Variants in CCDC149 observed in about 807,000 individuals in gnomAD.
The protein encoded by CCDC149 is coiled-coil domain-containing protein 149.
A neutral mutation model predicts 59.9 loss-of-function variants in CCDC149; 45 were observed. That is an observed-to-expected ratio of 0.75 (90% CI 0.59 to 0.96). The LOEUF (loss-of-function observed/expected upper bound fraction) is 0.96. Among genes scored for constraint, CCDC149 ranks in the 40% least tolerant of loss-of-function variants. The pLI is 0.00. For synonymous variants in CCDC149, 245 were observed against 260.6 expected, an observed-to-expected ratio of 0.94 and a Z score of 0.58; for missense variants, 584 against 664.7, an observed-to-expected ratio of 0.88 and a Z score of 1.33.
At chr4:24,911,776 C>A (rs1721885061) in intron 1 of CCDC149, among the ~76,000 whole-genome samples, 1 of 152,190 alleles carries the variant, frequency 6.6e-6, no homozygotes, top group Admixed American at 6.5e-5. Context: ...TATTATCAGA[C>A]TGACCTGGAG....
chr4:24,822,662 G>T, intron 9 of CCDC149, 89 bp from the exon 10 acceptor site: 1 of 856,364 alleles, frequency 1.2e-6, no homozygotes, highest in Non-Finnish European at 1.8e-6. Flanking sequence ...TAGTAGAAAA[G>T]TGTTGAGATT....
chr4:24,910,552 G>A (rs1165045162), intron 1 of CCDC149, among the ~76,000 whole-genome samples: 1 of 152,138 alleles, frequency 6.6e-6, no homozygotes, highest in Non-Finnish European at 1.5e-5. Flanking sequence ...TGATGCAGGT[G>A]ATCTGTAGGC....
At chr4:24,830,472 A>T (rs1189061784) in intron 9 of CCDC149, 2 of 152,236 alleles carry the variant, frequency 1.3e-5, no homozygotes, top group African/African-American at 2.4e-5. Context: ...TTTCTTCCAC[A>T]TACATCTTCA....
chr4:24,949,108 G>T (rs1039688015), intron 1 of CCDC149, among the ~76,000 whole-genome samples: 3 of 152,172 alleles, frequency 2.0e-5, no homozygotes, highest in African/African-American at 7.2e-5. Context: ...TCAGACAAGG[G>T]TAGCAACGGC....
chr4:24,853,291 G>C, intron 3 of CCDC149, 112 bp from the exon 4 acceptor site: 1 of 762,600 alleles, frequency 1.3e-6, no homozygotes, highest in East Asian at 2.5e-5. Context: ...ACCACACAAA[G>C]CCCGTTATAG....
intron 1 of CCDC149, among the ~76,000 whole-genome samples, chr4:24,956,460 TCGGG>T (rs1723469073): frequency 1.3e-5 from 2 of 152,176 alleles, no homozygotes; most frequent in Admixed American, 1.3e-4. Flanking sequence ...CTAGGTAATT[TCGGG>T]CTATTAATAT....
At chr4:24,955,155 C>G (rs1723431852) in intron 1 of CCDC149, among the ~76,000 whole-genome samples, 1 of 152,106 alleles carries the variant, frequency 6.6e-6, no homozygotes, top group Non-Finnish European at 1.5e-5. Context: ...TCCCTTGGTT[C>G]TGGAGACTGG....
At chr4:24,868,963 G>A (rs1452443748) in intron 3 of CCDC149, among the ~76,000 whole-genome samples, 2 of 152,152 alleles carry the variant, frequency 1.3e-5, no homozygotes, top group South Asian at 2.1e-4. Flanking sequence ...AGTATCTACC[G>A]CACACGGCTA....
intron 1 of CCDC149, among the ~76,000 whole-genome samples, chr4:24,926,087 T>C (rs1414759796): frequency 6.6e-6 from 1 of 152,058 alleles, no homozygotes; most frequent in African/African-American, 2.4e-5. Context: ...TCCCAGCTAC[T>C]CGGGAGGCTG....
intron 1 of CCDC149, among the ~76,000 whole-genome samples, chr4:24,966,751 C>G (rs182465896): frequency 4.1e-4 from 62 of 152,344 alleles, no homozygotes; most frequent in African/African-American, 1.4e-3. Flanking sequence ...TGCTGCATGA[C>G]CTGGTCCTGC....
At chr4:24,822,818 G>C (rs548574254) in intron 9 of CCDC149, 1 of 319,536 alleles carries the variant, frequency 3.1e-6, no homozygotes, top group Non-Finnish European at 5.7e-6. Context: ...TCTCCCAAAA[G>C]GTAGTTTTCC....
chr4:24,851,708 A>G (rs927600441), intron 4 of CCDC149, among the ~76,000 whole-genome samples: 3 of 152,166 alleles, frequency 2.0e-5, no homozygotes, highest in South Asian at 4.1e-4. Flanking sequence ...CTTAAAGAAA[A>G]CTATTGCATA....
Position 24,876,658 on chromosome 4 carries a change from C to G in CCDC149, c.103G>C (p.Ala35Pro). 1 of 1,613,912 alleles carries G rather than the reference C, an allele frequency of 6.2e-7. No homozygotes were observed. The highest frequency in any genetic ancestry group is 8.5e-7 in the Non-Finnish European group (1 of 1,179,936). ...AGCTCCTTGGAGAGGATCAGCAGGG[C>G]TTCCTTCTTACTCTCCAGCTTCCTC... The change falls in exon 2 of 13, where the codon GCC (alanine) becomes CCC (proline). Residue 35 changes from alanine (A) to proline (P), a missense_variant. By Grantham distance (27) the Ala-to-Pro change is conservative. Transcript: ENST00000635206.
At chr4:24,909,216 G>T (rs995850403) in intron 1 of CCDC149, among the ~76,000 whole-genome samples, 2 of 152,108 alleles carry the variant, frequency 1.3e-5, no homozygotes, top group Admixed American at 1.3e-4. Context: ...GAGAGGACGG[G>T]GCTCTGGGCA....
chr4:24,916,519 G>A (rs188691534), upstream of CCDC149, among the ~76,000 whole-genome samples: 42 of 152,238 alleles, frequency 2.8e-4, no homozygotes, highest in East Asian at 6.4e-3. Context: ...CCCCAGACAC[G>A]CGGGAAAGCC....
intron 4 of CCDC149, among the ~76,000 whole-genome samples, chr4:24,850,491 CA>C (rs1262501117): frequency 2.6e-5 from 4 of 152,220 alleles, no homozygotes; most frequent in South Asian, 4.2e-4. Flanking sequence ...CCAGATTGAG[CA>C]AACAGCAGGC....
intron 8 of CCDC149, among the ~76,000 whole-genome samples, chr4:24,832,966 T>C (rs1344737471): frequency 1.3e-5 from 2 of 152,310 alleles, no homozygotes; most frequent in Admixed American, 6.5e-5. Flanking sequence ...ATCCACAGCA[T>C]GGCCCCATTC....
At chr4:24,812,907 G>A (rs11942694) in intron 12 of CCDC149, among the ~76,000 whole-genome samples, 8,213 of 152,198 alleles carry the variant, frequency 0.054, 751 homozygotes, top group African/African-American at 0.19. Flanking sequence ...TCTCCACCTG[G>A]CCCCACCCTT....
At chr4:24,904,420 G>A (rs1231275845) in intron 1 of CCDC149, among the ~76,000 whole-genome samples, 1 of 152,176 alleles carries the variant, frequency 6.6e-6, no homozygotes, top group Non-Finnish European at 1.5e-5. Context: ...TGCTCCACAA[G>A]GAGCAGTACG....
Sources: gnomAD v4.1 joint callset for allele counts (sites outside exome capture counted in the v4.1 genomes callset) on GRCh38, gnomAD v4.1.1 for gene constraint, MANE v1.5 for transcripts, NCBI Gene and HGNC (gene_info 2026-07-23, HGNC 2026-07-21) for gene names.